ELOA: variants seen among roughly 807,000 people sequenced by gnomAD.
The protein encoded by ELOA is elongin A, also known as elongin-A.
Under a neutral mutation model 85.2 loss-of-function variants are expected in ELOA, and 15 were observed. The observed-to-expected ratio is 0.18, with a 90% CI of 0.12 to 0.27. ELOA has a LOEUF of 0.27. ELOA is among the 10% of genes least tolerant of loss of function. The probability of loss-of-function intolerance (pLI) is 1.00; values close to 1 mark genes in which losing one functional copy is unlikely to be tolerated. For missense variants in ELOA, 769 were observed against 952.7 expected (o/e 0.81, Z 2.54); for synonymous variants, 348 against 357.2 (o/e 0.97, Z 0.29).
At chr1:23,757,700 C>T (rs1342812934) in intron 10 of ELOA, among the ~76,000 whole-genome samples, 3 of 151,880 alleles carry the variant, frequency 2.0e-5, no homozygotes, top group Admixed American at 6.6e-5. Flanking sequence ...GGGGTTTCAC[C>T]ATGTTAGCCA....
At position 23,752,041 on chromosome 1, in the gene ELOA, C is replaced by G. The variant is rs760100721; in HGVS notation, c.1425+11C>G. ...GCCAAGCTGAGAAAGGTAACCCCTT[C>G]AGCCCCTTGGTGGCTTCCCACCCAG... On this transcript the variant is annotated intron_variant, in intron 4 of 10. Coordinates refer to ENST00000613537, the MANE Select transcript of ELOA (RefSeq NM_003198.3). 13 of 1,579,006 alleles carry G rather than the reference C, an allele frequency of 8.2e-6. No individual in the cohort carries two copies. The highest frequency in any genetic ancestry group is 1.4e-5 in the African/African-American group (1 of 73,030).
chr1:23,750,455 C>T lies in ELOA; in HGVS notation c.240-390C>T, dbSNP rs542293883. ...TCGGCCTCCCAAAGTGCTGGGATTA[C>T]AGGCGTGAGCCACCGCGGCTGGCCT... On this transcript the variant is annotated intron_variant, in intron 3 of 10. Coordinates refer to ENST00000613537, the MANE Select transcript of ELOA (RefSeq NM_003198.3). Among the ~76,000 whole-genome samples, 3 of 152,322 alleles carry T rather than the reference C, an allele frequency of 2.0e-5. No individual in the cohort carries two copies. The South Asian group carries it at 6.2e-4, about 32-fold the overall frequency.
At chr1:23,746,864 G>A (rs1401127174) in intron 1 of ELOA, among the ~76,000 whole-genome samples, 1 of 152,188 alleles carries the variant, frequency 6.6e-6, no homozygotes, top group African/African-American at 2.4e-5. Flanking sequence ...CGATCCACCT[G>A]AGGATGCCCA....
At chr1:23,758,410 A>G (rs1638242653) in intron 10 of ELOA, among the ~76,000 whole-genome samples, 1 of 147,856 alleles carries the variant, frequency 6.8e-6, no homozygotes, top group African/African-American at 2.5e-5. Flanking sequence ...AGTAGCTGGG[A>G]TTACAGGTGC....
At chr1:23,750,615 A>G (rs1489616252) in intron 3 of ELOA, among the ~76,000 whole-genome samples, 1 of 152,228 alleles carries the variant, frequency 6.6e-6, no homozygotes, top group Non-Finnish European at 1.5e-5. Context: ...ATTTTCATGT[A>G]TATGAGATAT....
In ELOA at chr1:23,746,893, A is replaced by G. The variant is rs182011702; in HGVS notation, c.76-2128A>G. On this transcript the variant is annotated intron_variant, in intron 1 of 10. Coordinates refer to ENST00000613537, the MANE Select transcript of ELOA (RefSeq NM_003198.3). ...ATGCCCAATGTGCCTTTGCCTTGTT[A>G]TTGCTTTGTTCTTTCTTGAAATTTA... is the stretch of plus-strand genomic sequence containing the variant. Among the ~76,000 whole-genome samples the G allele has an allele frequency of 1.6e-4, 24 of 152,210 alleles. No homozygotes were observed. The East Asian group carries it at 4.0e-3, about 26-fold the overall frequency.
In ELOA at chr1:23,759,523, A is replaced by T. The variant is rs377120804; in HGVS notation, c.2269A>T (p.Met757Leu). Residue 757 changes from methionine to leucine, a missense_variant, in exon 11 of 11, where the codon ATG becomes TTG. Around this residue, in one of 4 missense-constraint regions of ELOA, gnomAD observed 116 missense variants for 141.0 expected, o/e 0.82. Transcript: ENST00000613537. ...TTCTCTTTTCACAGAAATTGCCCCAATGATGGCCAAGACAATTAAAGCTTT... is the reference window on the plus strand; with the variant it reads ...TTCTCTTTTCACAGAAATTGCCCCATTGATGGCCAAGACAATTAAAGCTTT... ...RKPTVKKIAP[M>L]MAKTIKAFKN... The T allele has an allele frequency of 6.2e-7, 1 of 1,614,226 alleles. No individual in the cohort carries two copies. Among genetic ancestry groups the T allele is most frequent in the Non-Finnish European group, 8.5e-7 (1 of 1,180,040 alleles).
rs148243938 is a variant in ELOA, at chr1:23,754,253, A to G, written c.1691A>G (p.Asp564Gly). ...QCIRVLKNNI[D>G]SIFEVGGVPY... ...ATCCGAGTACTTAAAAACAACATCGATTGTAAGTCACACGCTTCTCTCTAG... is the reference window on the plus strand; with the variant it reads ...ATCCGAGTACTTAAAAACAACATCGGTTGTAAGTCACACGCTTCTCTCTAG... Residue 564 changes from aspartate (D) to glycine (G), a missense_variant and splice_region_variant, in exon 6 of 11, where the codon GAT (aspartate) becomes GGT (glycine). Around this residue, in one of 4 missense-constraint regions of ELOA, gnomAD observed 193 missense variants for 278.9 expected, o/e 0.69. Transcript: ENST00000613537. The G allele has an allele frequency of 3.7e-6, 6 of 1,614,064 alleles. No individual in the cohort carries two copies. The African/African-American group carries it at 6.7e-5, about 18-fold the overall frequency.
intron 5 of ELOA, 61 bp from the exon 6 acceptor site, chr1:23,754,039 G>A (rs1644784055): frequency 6.3e-7 from 1 of 1,585,416 alleles, no homozygotes; most frequent in African/African-American, 1.3e-5. Flanking sequence ...AGGCTGAAGG[G>A]GGTAGAAGGA....
At chr1:23,756,600 A>C (rs1644795742) in intron 9 of ELOA, among the ~76,000 whole-genome samples, 1 of 152,202 alleles carries the variant, frequency 6.6e-6, no homozygotes, top group South Asian at 2.1e-4. Context: ...TAGGGTAGTC[A>C]AGATTAAATG....
chr1:23,748,865 A>G (rs537761540), intron 1 of ELOA, among the ~76,000 whole-genome samples, 156 bp from the exon 2 acceptor site: 45 of 152,168 alleles, frequency 3.0e-4, no homozygotes, highest in Non-Finnish European at 5.9e-4. Context: ...TTATGAGCCT[A>G]TTTTCATACT....
At chr1:23,758,128 C>G (rs1387013514) in intron 10 of ELOA, among the ~76,000 whole-genome samples, 2 of 151,782 alleles carry the variant, frequency 1.3e-5, no homozygotes, top group African/African-American at 4.8e-5. Flanking sequence ...CTAGGCAATA[C>G]CACAGTGTTC....
In ELOA at chr1:23,754,416, A is replaced by C. The variant is rs756879179; in HGVS notation, c.1747A>C (p.Arg583=). Residue 583 remains arginine (R), a synonymous_variant, in exon 7 of 11, where the codon AGG becomes CGG. Transcript: ENST00000613537. The stretch of plus-strand genomic sequence containing the variant: ...CTCTGTTCTTGAACCCGTTTTGGAG[A>C]GGTGTACACCTGATCAGCTGTATCG... ...PYSVLEPVLE[R]CTPDQLYRIE... The C allele has an allele frequency of 6.2e-6, 10 of 1,614,078 alleles. No individual in the cohort carries two copies. Among genetic ancestry groups the C allele is most frequent in the Non-Finnish European group, 7.6e-6 (9 of 1,180,010 alleles).
In ELOA at chr1:23,746,821, A is replaced by G. The variant is rs555448485; in HGVS notation, c.76-2200A>G. ...CCTGTTACCAGTTCTTACAAGCTCT[A>G]TAGTTGGTATCTTGTTTGATAACAG... On this transcript the variant is annotated intron_variant, in intron 1 of 10. Coordinates refer to ENST00000613537, the MANE Select transcript of ELOA (RefSeq NM_003198.3). 4.6e-5 allele frequency among the ~76,000 whole-genome samples: 7 copies of G among 152,292 alleles called. No homozygotes were observed. The East Asian group carries it at 7.7e-4, about 17-fold the overall frequency.
chr1:23,750,324 C>T (rs963079919), intron 3 of ELOA, among the ~76,000 whole-genome samples: 2 of 151,660 alleles, frequency 1.3e-5, no homozygotes, highest in Non-Finnish European at 2.9e-5. Flanking sequence ...CACAGGCACC[C>T]GCCACCACGC....
chr1:23,760,325 G>C lies in ELOA; in HGVS notation c.*752G>C, dbSNP rs1027252476. ...TTTTGTTTTTTTTTTTTTCTTTGAG[G>C]CTCACTAGAGGACGCAGAACCTTGG... On this transcript the variant is annotated 3_prime_UTR_variant, in exon 11 of 11. Transcript: ENST00000613537. The C allele has an allele frequency of 6.6e-6, 1 of 150,522 alleles. No individual in the cohort carries two copies. The highest frequency in any genetic ancestry group is 6.6e-5 in the Admixed American group (1 of 15,146). 9.3% of individuals were successfully genotyped at this position (150,522 alleles called of 1,614,324 possible).
intron 6 of ELOA, 36 bp downstream of exon 6, chr1:23,754,291 T>C (rs756624486): frequency 6.2e-7 from 1 of 1,614,088 alleles, no homozygotes; most frequent in South Asian, 1.1e-5. Context: ...CTCAAGCACA[T>C]TGTAGCACTT....
At chr1:23,759,336 GTCTGC>G (rs1472682621) in intron 10 of ELOA, among the ~76,000 whole-genome samples, 171 bp from the exon 11 acceptor site, 3 of 152,274 alleles carry the variant, frequency 2.0e-5, no homozygotes, top group Non-Finnish European at 4.4e-5. Context: ...CTCCGAAAGT[GTCTGC>G]TCTGTGCTGT....
intron 1 of ELOA, among the ~76,000 whole-genome samples, 169 bp from the exon 2 acceptor site, chr1:23,748,852 C>CT (rs1644757509): frequency 6.6e-6 from 1 of 152,128 alleles, no homozygotes; most frequent in Admixed American, 6.5e-5. Context: ...AGAAACATAA[C>CT]TTTTATGAGC....
Sources: gnomAD v4.1 joint callset for allele counts (sites outside exome capture counted in the v4.1 genomes callset) on GRCh38, gnomAD v4.1.1 for gene constraint, gnomAD v4.1.1 regional missense constraint, MANE v1.5 for transcripts, NCBI Gene and HGNC (gene_info 2026-07-23, HGNC 2026-07-21) for gene names.